Variants in IQSEC1 observed in about 807,000 individuals in gnomAD.
IQSEC1 encodes the protein IQ motif and Sec7 domain ArfGEF 1.
A neutral mutation model predicts 91.0 loss-of-function variants in IQSEC1; 31 were observed. The observed-to-expected ratio is 0.34, with a 90% CI of 0.26 to 0.46. The LOEUF (loss-of-function observed/expected upper bound fraction) is 0.46. Among genes scored for constraint, IQSEC1 ranks in the 20% least tolerant of loss-of-function variants. The pLI is 1.00. For missense variants in IQSEC1, 1,388 were observed against 1,575.6 expected (o/e 0.88, Z 2.02); for synonymous variants, 699 against 662.6 (o/e 1.05, Z -0.84).
chr3:13,270,416 C>T (rs1292892398), intron 1 of IQSEC1, among the ~76,000 whole-genome samples: 1 of 152,212 alleles, frequency 6.6e-6, no homozygotes. Context: ...AATTCACTCC[C>T]CTTGTCTTCA....
chr3:12,922,211 T>A lies in IQSEC1; in HGVS notation c.1762A>T (p.Met588Leu). The stretch of plus-strand genomic sequence containing the variant: ...TTCCTGAGGGCCTCATCCAGCTCCA[T>A]GGTAGAGAAGTCCATCTCGTCCACG... ...CVVDEMDFST[M>L]ELDEALRKFQ... The change falls in exon 5 of 14, where the codon ATG (methionine) becomes TTG (leucine). Residue 588 changes from methionine to leucine, a missense_variant. By Grantham distance (15) the Met-to-Leu change is conservative. Around this residue, in one of 2 missense-constraint regions of IQSEC1, gnomAD observed 1,059 missense variants for 1,317.8 expected, o/e 0.80. Transcript: ENST00000613206. The surrounding 1 kb of genome is among the most constrained non-coding windows in gnomAD (Gnocchi z 5.1). The A allele has an allele frequency of 6.2e-7, 1 of 1,605,924 alleles. No homozygotes were observed. Among genetic ancestry groups the A allele is most frequent in the Non-Finnish European group, 8.5e-7 (1 of 1,174,848 alleles).
chr3:13,048,710 C>T (rs552519783), intron 1 of IQSEC1, among the ~76,000 whole-genome samples: 9 of 152,210 alleles, frequency 5.9e-5, no homozygotes, highest in Non-Finnish European at 1.0e-4. Context: ...CCTGTGATTC[C>T]GCTACTTCCT....
chr3:13,222,584 C>T (rs947252072), intron 1 of IQSEC1, among the ~76,000 whole-genome samples: 1 of 152,228 alleles, frequency 6.6e-6, no homozygotes, highest in Admixed American at 6.5e-5. Flanking sequence ...GTTACCTCCC[C>T]CCAGCAATGG....
chr3:13,250,419 C>CTTTTTTTTTTTTTTTT (rs201786837), intron 1 of IQSEC1, among the ~76,000 whole-genome samples: 1 of 147,108 alleles, frequency 6.8e-6, no homozygotes, highest in African/African-American at 2.6e-5. Flanking sequence ...GCCCCACTTT[C>CTTTTTTTTTTTTTTTT]CTTTTTTTTT....
chr3:13,048,239 G>C (rs1405345558), intron 1 of IQSEC1, among the ~76,000 whole-genome samples: 1 of 152,214 alleles, frequency 6.6e-6, no homozygotes, highest in African/African-American at 2.4e-5. Flanking sequence ...GCATCTGAAA[G>C]GACTGTCTCT....
chr3:13,235,996 C>T (rs1486555584), intron 1 of IQSEC1, among the ~76,000 whole-genome samples: 1 of 152,184 alleles, frequency 6.6e-6, no homozygotes, highest in Non-Finnish European at 1.5e-5. Flanking sequence ...ACGCAGCTTC[C>T]TTAAGAGTTT....
chr3:12,944,675 C>G (rs1699058082), intron 1 of IQSEC1, among the ~76,000 whole-genome samples: 1 of 152,226 alleles, frequency 6.6e-6, no homozygotes, highest in African/African-American at 2.4e-5. Context: ...ACGGCTGGTC[C>G]TTAAAGAGAT....
At chr3:12,913,904 C>T (rs959552257) in intron 8 of IQSEC1, among the ~76,000 whole-genome samples, 16 of 152,220 alleles carry the variant, frequency 1.1e-4, no homozygotes, top group Non-Finnish European at 4.4e-5. Flanking sequence ...CAGCGAGTCA[C>T]ATTTTGAGTC....
intron 1 of IQSEC1, among the ~76,000 whole-genome samples, chr3:13,203,554 C>T (rs936111957): frequency 2.0e-5 from 3 of 152,194 alleles, no homozygotes; most frequent in African/African-American, 4.8e-5. Context: ...GCAGGGTGCC[C>T]GGGACACAGG....
chr3:13,219,065 G>A (rs1338768848), intron 1 of IQSEC1, among the ~76,000 whole-genome samples: 1 of 152,170 alleles, frequency 6.6e-6, no homozygotes, highest in African/African-American at 2.4e-5. Flanking sequence ...CAGTCTCCCA[G>A]CGGATCTGGC....
intron 3 of IQSEC1, among the ~76,000 whole-genome samples, chr3:12,925,333 G>A (rs915934413): frequency 3.3e-5 from 5 of 152,192 alleles, no homozygotes; most frequent in Admixed American, 6.5e-5. Flanking sequence ...CTGTTGAGGC[G>A]CCCTGTGCAC....
At position 12,899,826 on chromosome 3, in the gene IQSEC1, C is replaced by T. The variant is rs542039673; in HGVS notation, c.*1157G>A. The T allele has an allele frequency of 7.4e-5, 73 of 985,204 alleles. No individual in the cohort carries two copies. The highest frequency in any genetic ancestry group is 1.1e-4 in the East Asian group (1 of 8,804). 61.0% of individuals were successfully genotyped at this position (985,204 alleles called of 1,614,324 possible). A position where few individuals can be genotyped will look rare whatever the true frequency, so the allele number is the denominator to read the frequency against. On this transcript the variant is annotated 3_prime_UTR_variant, in exon 14 of 14. Coordinates refer to ENST00000613206, the MANE Select transcript of IQSEC1 (RefSeq NM_001134382.3). ...GCTTCGGCCTGGTGTGGGTTGGAGG[C>T]GGGATGAGGACGTTATGGTGTTGGG...
chr3:13,050,996 G>C (rs1173300664), intron 1 of IQSEC1, among the ~76,000 whole-genome samples: 3 of 152,074 alleles, frequency 2.0e-5, no homozygotes, highest in Admixed American at 6.5e-5. Flanking sequence ...TGAGGGCACT[G>C]GGGCTCAGAG....
intron 1 of IQSEC1, among the ~76,000 whole-genome samples, chr3:13,056,955 C>A (rs1388528130): frequency 6.6e-6 from 1 of 152,198 alleles, no homozygotes. Context: ...ATACCTGTAA[C>A]GCATACATGT....
intron 1 of IQSEC1, among the ~76,000 whole-genome samples, chr3:12,997,431 C>T (rs1391012582): frequency 6.6e-6 from 1 of 152,214 alleles, no homozygotes; most frequent in Non-Finnish European, 1.5e-5. Flanking sequence ...GTTATCTGGG[C>T]ACAAGCTGAT....
At chr3:13,021,967 G>T in intron 1 of IQSEC1, 1 of 1,083,236 alleles carries the variant, frequency 9.2e-7, no homozygotes. Context: ...ACCCTGTACA[G>T]CCATGCAAAC....
chr3:12,913,380 C>G, intron 9 of IQSEC1, 48 bp downstream of exon 9: 1 of 1,538,214 alleles, frequency 6.5e-7, no homozygotes, highest in South Asian at 1.2e-5. Flanking sequence ...GGACCCTGGG[C>G]TCAGGCTTGA....
intron 1 of IQSEC1, among the ~76,000 whole-genome samples, chr3:12,986,266 G>A (rs751984616): frequency 1.3e-5 from 2 of 152,156 alleles, no homozygotes; most frequent in Non-Finnish European, 2.9e-5. Flanking sequence ...TCTTTGTCCC[G>A]ACTTTTTCCC....
chr3:13,196,118 G>T (rs1694120642), intron 1 of IQSEC1, among the ~76,000 whole-genome samples: 1 of 152,042 alleles, frequency 6.6e-6, no homozygotes, highest in African/African-American at 2.4e-5. Context: ...TCTTTCTCTG[G>T]GGACACTCAC....
Sources: gnomAD v4.1 joint callset for allele counts (sites outside exome capture counted in the v4.1 genomes callset) on GRCh38, gnomAD v4.1.1 for gene constraint, gnomAD v4.1.1 regional missense constraint, Gnocchi (gnomAD v3.1) non-coding constraint, MANE v1.5 for transcripts, NCBI Gene and HGNC (gene_info 2026-07-23, HGNC 2026-07-21) for gene names.